Variants in SLC25A13 observed in about 807,000 individuals in gnomAD.
The protein encoded by SLC25A13 is solute carrier family 25 member 13.
Under a neutral mutation model 85.5 loss-of-function variants are expected in SLC25A13, and 70 were observed. The ratio of observed to expected loss-of-function variants is 0.82; its 90% CI spans 0.68 to 1.00. The LOEUF is 1.00. SLC25A13 is among the 50% of genes least tolerant of loss of function. The probability of loss-of-function intolerance (pLI) is 0.00; values close to 1 mark genes in which losing one functional copy is unlikely to be tolerated. For synonymous variants in SLC25A13, 259 were observed against 288.7 expected (o/e 0.90, Z 1.04); for missense variants, 765 against 819.8 (o/e 0.93, Z 0.82).
chr7:96,321,117 A>T (rs1023885096), intron 1 of SLC25A13, among the ~76,000 whole-genome samples: 17 of 152,358 alleles, frequency 1.1e-4, no homozygotes, highest in African/African-American at 4.1e-4. Context: ...CAGTCCAAAG[A>T]GACTGAAATG....
At chr7:96,134,812 T>TATATATATATATATATATAA (rs1554337568) in intron 14 of SLC25A13, among the ~76,000 whole-genome samples, 54 of 146,270 alleles carry the variant, frequency 3.7e-4, no homozygotes, top group African/African-American at 1.3e-3. Flanking sequence ...TATATATATA[T>TATATATATATATATATATAA]AACCCTGAGG....
chr7:96,236,724 C>T (rs962257987), intron 3 of SLC25A13, among the ~76,000 whole-genome samples: 19 of 152,086 alleles, frequency 1.2e-4, no homozygotes, highest in African/African-American at 4.3e-4. Flanking sequence ...GGTAGAATTC[C>T]AACTGCTGTG....
intron 1 of SLC25A13, among the ~76,000 whole-genome samples, chr7:96,317,790 A>G (rs1016637526): frequency 7.1e-6 from 1 of 141,676 alleles, no homozygotes; most frequent in Non-Finnish European, 1.5e-5. Context: ...TTATTTTATT[A>G]TTTTATTTTA....
intron 3 of SLC25A13, among the ~76,000 whole-genome samples, chr7:96,250,405 A>C (rs1243184894): frequency 1.3e-5 from 2 of 152,360 alleles, no homozygotes; most frequent in Middle Eastern, 3.4e-3. Context: ...GAGCAGCGAC[A>C]TGGCTGTCTT....
chr7:96,125,147 C>T (rs1015966183), intron 15 of SLC25A13, among the ~76,000 whole-genome samples: 42 of 152,014 alleles, frequency 2.8e-4, no homozygotes, highest in African/African-American at 8.4e-4. Context: ...GCTGGGGCTG[C>T]GCACGATCTT....
At chr7:96,295,790 A>G (rs1365019114) in intron 2 of SLC25A13, among the ~76,000 whole-genome samples, 1 of 151,694 alleles carries the variant, frequency 6.6e-6, no homozygotes, top group Non-Finnish European at 1.5e-5. Flanking sequence ...TTTCCATACA[A>G]CTCAGCTGCC....
intron 11 of SLC25A13, among the ~76,000 whole-genome samples, chr7:96,178,434 G>T (rs1024653154): frequency 6.6e-6 from 1 of 152,130 alleles, no homozygotes; most frequent in Non-Finnish European, 1.5e-5. Context: ...CTAATAGAGG[G>T]CAGAAGGTAT....
intron 3 of SLC25A13, among the ~76,000 whole-genome samples, chr7:96,246,026 C>A (rs1392258228): frequency 1.3e-5 from 2 of 152,190 alleles, no homozygotes; most frequent in South Asian, 4.1e-4. Flanking sequence ...AATTTGTCAG[C>A]GTATACTGGC....
At position 96,208,962 on chromosome 7, in the gene SLC25A13, A is replaced by G. The variant is rs944044304; in HGVS notation, c.344T>C (p.Val115Ala). 2.5e-6 allele frequency: 4 copies of G among 1,613,994 alleles called. No homozygotes were observed. The highest frequency in any genetic ancestry group is 2.5e-6 in the Non-Finnish European group (3 of 1,179,996). The change falls in exon 5 of 18, where the codon GTT becomes GCT. Residue 115 changes from valine (V) to alanine (A), a missense_variant. Physicochemically the swap from Val to Ala is moderately conservative, Grantham distance 64. Coordinates refer to ENST00000265631, the MANE Select transcript of SLC25A13 (RefSeq NM_014251.3). ...TTGATGAATTGTGGTCTGTCCAAAA[A>G]CTTGCTTAACATCCTCTGAAAAGAG... ...GEVTFEDVKQVFGQTTIHQHI... is the reference protein window; with the variant it reads ...GEVTFEDVKQAFGQTTIHQHI...
chr7:96,140,759 T>G (rs190337663), intron 14 of SLC25A13, among the ~76,000 whole-genome samples: 17 of 151,872 alleles, frequency 1.1e-4, no homozygotes, highest in Non-Finnish European at 2.1e-4. Flanking sequence ...TTTTGTTTTT[T>G]TTTTTTTTTG....
intron 3 of SLC25A13, among the ~76,000 whole-genome samples, chr7:96,253,528 T>C (rs1218607431): frequency 2.0e-5 from 3 of 152,200 alleles, no homozygotes. Context: ...AAAATGTGTT[T>C]TTTTGACTGC....
In SLC25A13 at chr7:96,189,371, TCATA is replaced by T. The variant is rs80338720; in HGVS notation, c.852_855del (p.Met285ProfsTer2). 185 of 1,614,136 alleles carry T rather than the reference TCATA, an allele frequency of 1.1e-4. 2 individuals carry two copies. In the East Asian group the frequency reaches 4.0e-3, roughly 35 times the overall value. The stretch of plus-strand genomic sequence containing the variant: ...GCAATCCGTTCAATGTCTGCTAAGG[TCATA>T]CGTCTGTAGGGGAAAAACAAACACA... On this transcript the variant is annotated frameshift_variant, in exon 9 of 18. Coordinates refer to ENST00000265631, the MANE Select transcript of SLC25A13 (RefSeq NM_014251.3). LOFTEE classifies it high-confidence loss of function.
rs1048882507 is a variant in SLC25A13 at position 96,194,703 on chromosome 7, G to A, written c.469-1520C>T. On this transcript the variant is annotated intron_variant, in intron 5 of 17. Transcript: ENST00000265631. ...TTCCTTTCCTTCCCCAGAAAGGCAG[G>A]GAGATGAAAGAAGAAATACAGTATT... Among the ~76,000 whole-genome samples the A allele has an allele frequency of 1.9e-4, 29 of 152,188 alleles. No homozygotes were observed. The East Asian group carries it at 5.2e-3, about 27-fold the overall frequency.
At chr7:96,248,527 T>C (rs1454795335) in intron 3 of SLC25A13, among the ~76,000 whole-genome samples, 1 of 152,162 alleles carries the variant, frequency 6.6e-6, no homozygotes, top group East Asian at 1.9e-4. Flanking sequence ...TGTTTCCTAA[T>C]GCAAAATAAG....
chr7:96,182,029 T>G (rs1794438487), intron 11 of SLC25A13, among the ~76,000 whole-genome samples: 1 of 152,202 alleles, frequency 6.6e-6, no homozygotes, highest in African/African-American at 2.4e-5. Flanking sequence ...TTTTTTAAAT[T>G]AACAACAATA....
chr7:96,307,009 G>C (rs926167267), intron 1 of SLC25A13: 20 of 802,206 alleles, frequency 2.5e-5, no homozygotes, highest in African/African-American at 5.2e-5. Flanking sequence ...GTCTGCGGTG[G>C]GTCCCTTTTG....
chr7:96,298,020 T>C (rs1395715888), intron 1 of SLC25A13, among the ~76,000 whole-genome samples: 1 of 152,156 alleles, frequency 6.6e-6, no homozygotes, highest in Non-Finnish European at 1.5e-5. Context: ...AGTGGGTTTA[T>C]TCAATGTCCC....
chr7:96,232,302 T>C (rs1390021068), intron 4 of SLC25A13, among the ~76,000 whole-genome samples: 1 of 149,832 alleles, frequency 6.7e-6, no homozygotes, highest in Non-Finnish European at 1.5e-5. Flanking sequence ...TGGATGGAGC[T>C]GGAGGCCATT....
intron 14 of SLC25A13, among the ~76,000 whole-genome samples, chr7:96,137,356 C>T (rs1005226382): frequency 6.6e-6 from 1 of 152,192 alleles, no homozygotes; most frequent in Non-Finnish European, 1.5e-5. Flanking sequence ...CTTCTTTAAT[C>T]CAGGGACTTT....
Sources: allele counts gnomAD v4.1 joint callset (sites outside exome capture counted in the v4.1 genomes callset), GRCh38; gene constraint gnomAD v4.1.1; transcripts MANE v1.5; gene names NCBI Gene and HGNC (gene_info 2026-07-23, HGNC 2026-07-21).